TMCC1: variants seen among roughly 807,000 people sequenced by gnomAD.
TMCC1 encodes the protein transmembrane and coiled-coil domains protein 1.
Under a neutral mutation model 52.4 loss-of-function variants are expected in TMCC1, and 15 were observed. That is an observed-to-expected ratio of 0.29 (90% CI 0.19 to 0.44). The LOEUF is 0.44. Ranked by LOEUF, TMCC1 falls within the 20% of genes least tolerant of loss-of-function variation. The probability of loss-of-function intolerance (pLI) is 1.00; values close to 1 mark genes in which losing one functional copy is unlikely to be tolerated. For missense variants in TMCC1, 503 were observed against 806.0 expected (o/e 0.62, Z 4.55); for synonymous variants, 279 against 301.9 (o/e 0.92, Z 0.79).
At chr3:129,771,797 A>AAAAAAAAAAAAAAG (rs60824072) in intron 4 of TMCC1, among the ~76,000 whole-genome samples, 7 of 86,890 alleles carry the variant, frequency 8.1e-5, no homozygotes, top group Non-Finnish European at 1.4e-4. Context: ...AAAAAAAAAA[A>AAAAAAAAAAAAAAG]AAGAAGAAGA....
chr3:129,860,433 C>T (rs1449546683), intron 2 of TMCC1, among the ~76,000 whole-genome samples: 2 of 151,606 alleles, frequency 1.3e-5, no homozygotes, highest in Admixed American at 6.6e-5. Flanking sequence ...TGGGGGGAAA[C>T]GGGTAATAGT....
intron 2 of TMCC1, among the ~76,000 whole-genome samples, chr3:129,875,664 G>A (rs999742061): frequency 2.6e-5 from 4 of 151,956 alleles, no homozygotes; most frequent in East Asian, 1.9e-4. Context: ...ACCTACAACA[G>A]GGCCAACAAA....
At chr3:129,750,604 CTTG>C (rs2052414332) in intron 4 of TMCC1, among the ~76,000 whole-genome samples, 1 of 114,940 alleles carries the variant, frequency 8.7e-6, no homozygotes, top group Non-Finnish European at 1.7e-5. Context: ...GAGACAGAGT[CTTG>C]TCTGTCACCC....
At chr3:129,724,730 A>T (rs545987809) in intron 4 of TMCC1, among the ~76,000 whole-genome samples, 1 of 152,342 alleles carries the variant, frequency 6.6e-6, no homozygotes, top group Non-Finnish European at 1.5e-5. Context: ...AAACAGGGCA[A>T]TGCAGACATT....
At chr3:129,765,934 T>G (rs1211534421) in intron 4 of TMCC1, among the ~76,000 whole-genome samples, 1 of 152,082 alleles carries the variant, frequency 6.6e-6, no homozygotes, top group Non-Finnish European at 1.5e-5. Context: ...GGGAGGAAGA[T>G]AGATCACCTA....
chr3:129,795,158 G>C (rs2056739349), intron 4 of TMCC1, among the ~76,000 whole-genome samples: 1 of 152,192 alleles, frequency 6.6e-6, no homozygotes, highest in Admixed American at 6.5e-5. Context: ...GTGGCCTCCT[G>C]AGGTAATTGC....
chr3:129,890,125 C>CTT (rs2061898204), intron 1 of TMCC1, among the ~76,000 whole-genome samples: 1 of 152,010 alleles, frequency 6.6e-6, no homozygotes, highest in Non-Finnish European at 1.5e-5. Flanking sequence ...TCCATAATAT[C>CTT]TTTAAAAAAA....
chr3:129,795,111 G>A (rs763071412), intron 4 of TMCC1, among the ~76,000 whole-genome samples: 2 of 152,124 alleles, frequency 1.3e-5, no homozygotes, highest in Admixed American at 6.5e-5. Context: ...ATACTCCGAC[G>A]GTGACTTCAA....
chr3:129,707,165 A>C (rs1168878401), intron 4 of TMCC1, among the ~76,000 whole-genome samples: 1 of 152,188 alleles, frequency 6.6e-6, no homozygotes, highest in Non-Finnish European at 1.5e-5. Context: ...TCCTTCAGGG[A>C]GCTCATGGCC....
chr3:129,676,030 C>CT (rs1481339224), intron 4 of TMCC1, among the ~76,000 whole-genome samples: 3 of 113,942 alleles, frequency 2.6e-5, no homozygotes, highest in Admixed American at 9.9e-5. Context: ...GAGCGAGACT[C>CT]TGTCTCAAAA....
Position 129,767,678 on chromosome 3 carries a change from A to T in TMCC1, c.576+60125T>A, listed in dbSNP as rs78762536. 1.1e-3 allele frequency among the ~76,000 whole-genome samples: 166 copies of T among 152,300 alleles called. 1 individual carries two copies. In the East Asian group the frequency reaches 0.023, roughly 21 times the overall value. On this transcript the variant is annotated intron_variant, in intron 4 of 6. Transcript: ENST00000393238. Reference sequence around the variant, plus strand: ...TATTCCTCCATTCCCCTGGCCCTAAACAACCAATAATCTACTTTCTGTCTC... The same window carrying T: ...TATTCCTCCATTCCCCTGGCCCTAATCAACCAATAATCTACTTTCTGTCTC...
intron 2 of TMCC1, among the ~76,000 whole-genome samples, chr3:129,846,549 T>C (rs189116027): frequency 1.3e-5 from 2 of 152,298 alleles, no homozygotes; most frequent in Admixed American, 1.3e-4. Flanking sequence ...GCAACATTTT[T>C]CCAACCACCT....
intron 2 of TMCC1, among the ~76,000 whole-genome samples, chr3:129,845,229 A>G (rs1235534264): frequency 1.3e-5 from 2 of 151,850 alleles, no homozygotes; most frequent in African/African-American, 2.4e-5. Flanking sequence ...CAATGCTAGA[A>G]CTACTTCCAT....
chr3:129,734,616 G>A (rs896263473), intron 4 of TMCC1, among the ~76,000 whole-genome samples: 1 of 152,144 alleles, frequency 6.6e-6, no homozygotes. Context: ...CCAGAAGGCA[G>A]AGGCTGCAGT....
chr3:129,681,656 C>G (rs886860131), intron 4 of TMCC1, among the ~76,000 whole-genome samples: 3 of 151,920 alleles, frequency 2.0e-5, no homozygotes, highest in African/African-American at 7.2e-5. Context: ...GTCTGTAATC[C>G]CAGAACTTTG....
At chr3:129,692,676 C>G (rs998550971) in intron 4 of TMCC1, among the ~76,000 whole-genome samples, 1 of 152,134 alleles carries the variant, frequency 6.6e-6, no homozygotes, top group Non-Finnish European at 1.5e-5. Flanking sequence ...AGTTTTCTCT[C>G]TGAAACAGAA....
intron 4 of TMCC1, among the ~76,000 whole-genome samples, chr3:129,715,332 G>A (rs2048998239): frequency 6.6e-6 from 1 of 152,186 alleles, no homozygotes; most frequent in Admixed American, 6.5e-5. Context: ...GCCGAGGCAG[G>A]GGAATCATGA....
chr3:129,871,020 C>T (rs1316262285), intron 2 of TMCC1, among the ~76,000 whole-genome samples: 2 of 151,910 alleles, frequency 1.3e-5, no homozygotes, highest in African/African-American at 2.4e-5. Context: ...TTATGGGACT[C>T]ATCAAATGAA....
rs778382494 is a variant in TMCC1, at chr3:129,671,197, C to A, written c.644G>T (p.Ser215Ile). Residue 215 changes from serine to isoleucine, a missense_variant, in exon 5 of 7, where the codon AGC becomes ATC. Physicochemically the swap from Ser to Ile is moderately radical, Grantham distance 142 (BLOSUM62 -2). Transcript: ENST00000393238. Reference protein sequence around the residue: ...SSAVASSTDGSIHTDSVDGTP... With the variant: ...SSAVASSTDGIIHTDSVDGTP... ...TCCATCCACAGAGTCTGTGTGGATGCTGCCATCGGTACTGGAGGCCACTGC... is the reference window on the plus strand; with the variant it reads ...TCCATCCACAGAGTCTGTGTGGATGATGCCATCGGTACTGGAGGCCACTGC... 1 of 1,614,158 alleles carries A rather than the reference C, an allele frequency of 6.2e-7. No individual in the cohort carries two copies.
Sources: gnomAD v4.1 joint callset for allele counts (sites outside exome capture counted in the v4.1 genomes callset) on GRCh38, gnomAD v4.1.1 for gene constraint, MANE v1.5 for transcripts, NCBI Gene and HGNC (gene_info 2026-07-23, HGNC 2026-07-21) for gene names.